Variants in TIGIT observed in about 807,000 individuals in gnomAD.
TIGIT encodes the protein T cell immunoreceptor with Ig and ITIM domains, also known as T-cell immunoreceptor with Ig and ITIM domains.
A neutral mutation model predicts 19.6 loss-of-function variants in TIGIT; 11 were observed. That is an observed-to-expected ratio of 0.56 (90% CI 0.35 to 0.93). The LOEUF is 0.93. Among genes scored for constraint, TIGIT ranks in the 40% least tolerant of loss-of-function variants. The pLI, the probability that TIGIT is intolerant of heterozygous loss-of-function variation, is 0.01. For missense variants in TIGIT, 295 were observed against 303.9 expected, an observed-to-expected ratio of 0.97 and a Z score of 0.22; for synonymous variants, 130 against 125.5, an observed-to-expected ratio of 1.04 and a Z score of -0.24.
At chr3:114,303,719 T>C (rs944809232) in intron 3 of TIGIT, among the ~76,000 whole-genome samples, 2 of 151,572 alleles carry the variant, frequency 1.3e-5, no homozygotes, top group African/African-American at 4.9e-5. Flanking sequence ...GTTCCATATT[T>C]TTGCAATTGC....
chr3:114,300,578 A>G (rs1371126197), intron 3 of TIGIT, among the ~76,000 whole-genome samples: 2 of 152,040 alleles, frequency 1.3e-5, no homozygotes, highest in African/African-American at 4.8e-5. Flanking sequence ...TAAAATGGGG[A>G]TTTGTCTTAG....
chr3:114,301,909 C>G (rs1342750744), intron 3 of TIGIT, among the ~76,000 whole-genome samples: 2 of 152,206 alleles, frequency 1.3e-5, no homozygotes, highest in Non-Finnish European at 2.9e-5. Flanking sequence ...ACATGTAGTA[C>G]TCAAACTGGG....
chr3:114,305,174 CACTA>C (rs3995896), intron 3 of TIGIT, among the ~76,000 whole-genome samples: 134,638 of 151,888 alleles, frequency 0.89, 60,473 homozygotes, highest in East Asian at 0.99. Context: ...AGAGTTCTAA[CACTA>C]ACTATTTACC....
At chr3:114,307,683 T>C (rs2078544545) in intron 3 of TIGIT, 4 of 565,948 alleles carry the variant, frequency 7.1e-6, no homozygotes, top group Non-Finnish European at 1.3e-5. Flanking sequence ...TGGCACGTGG[T>C]ATATGTAGTA....
At chr3:114,303,502 T>A (rs1316611264) in intron 3 of TIGIT, among the ~76,000 whole-genome samples, 7 of 50,980 alleles carry the variant, frequency 1.4e-4, no homozygotes, top group African/African-American at 3.5e-4. Flanking sequence ...TGTATATATA[T>A]ATGTATATAT....
intron 3 of TIGIT, among the ~76,000 whole-genome samples, chr3:114,305,539 A>G (rs2078527034): frequency 6.6e-6 from 1 of 152,204 alleles, no homozygotes; most frequent in African/African-American, 2.4e-5. Context: ...AGAATTGTAC[A>G]GAGTCGGTTG....
At chr3:114,302,655 G>A (rs2078499820) in intron 3 of TIGIT, among the ~76,000 whole-genome samples, 1 of 152,172 alleles carries the variant, frequency 6.6e-6, no homozygotes, top group Non-Finnish European at 1.5e-5. Flanking sequence ...ATCCAGTTCT[G>A]TAAAAGCATC....
chr3:114,304,753 T>A (rs2078519780), intron 3 of TIGIT, among the ~76,000 whole-genome samples: 5 of 152,190 alleles, frequency 3.3e-5, no homozygotes, highest in Admixed American at 3.3e-4. Flanking sequence ...CCAGCAGGGA[T>A]TCTTTTCCAT....
intron 3 of TIGIT, among the ~76,000 whole-genome samples, chr3:114,300,904 T>G (rs907445784): frequency 1.3e-5 from 2 of 152,226 alleles, no homozygotes; most frequent in African/African-American, 4.8e-5. Context: ...CACTTAATAC[T>G]ATTACAATGG....
intron 2 of TIGIT, among the ~76,000 whole-genome samples, chr3:114,297,262 G>A (rs1403564882): frequency 6.6e-6 from 1 of 152,112 alleles, no homozygotes; most frequent in Non-Finnish European, 1.5e-5. Flanking sequence ...TTGACCCCAC[G>A]AAGTCTGGGT....
At chr3:114,299,549 C>A in intron 2 of TIGIT, 48 bp from the exon 3 acceptor site, 2 of 1,446,390 alleles carry the variant, frequency 1.4e-6, no homozygotes, top group Non-Finnish European at 9.7e-7. Flanking sequence ...GGGAAATCAG[C>A]TTCACTTCTG....
chr3:114,303,599 A>G lies in TIGIT; in HGVS notation c.498+3896A>G, dbSNP rs200492888. Among the ~76,000 whole-genome samples the G allele has an allele frequency of 2.3e-3, 11 of 4,848 alleles. 1 individual carries two copies. Among genetic ancestry groups the G allele is most frequent in the Admixed American group, 3.6e-3 (1 of 278 alleles). The allele number at this position is 4,848 out of a possible 152,430, so 3.2% of individuals were successfully genotyped here. A position where few individuals can be genotyped will look rare whatever the true frequency, so the allele number is the denominator to read the frequency against. On this transcript the variant is annotated intron_variant, in intron 3 of 3. Coordinates refer to ENST00000383671, the MANE Select transcript of TIGIT (RefSeq NM_173799.4). ...TATATATATATATACATATATATGTATATATATATATACATATATATGTAT... is the reference window on the plus strand; with the variant it reads ...TATATATATATATACATATATATGTGTATATATATATACATATATATGTAT...
chr3:114,303,507 ATATATATATACACATATATATG>A (rs1560033443), intron 3 of TIGIT, among the ~76,000 whole-genome samples: 18 of 6,108 alleles, frequency 2.9e-3, no homozygotes, highest in African/African-American at 4.4e-3. Context: ...ATATATATGT[ATATATATATACACATATATATG>A]TATATATATA....
chr3:114,294,266 T>G, intron 1 of TIGIT, 144 bp downstream of exon 1: 1 of 631,766 alleles, frequency 1.6e-6, no homozygotes, highest in Non-Finnish European at 2.8e-6. Context: ...GAGTCCTGTG[T>G]ACTCTTATTT....
At chr3:114,296,384 C>T (rs1162792814) in intron 2 of TIGIT, among the ~76,000 whole-genome samples, 1 of 152,164 alleles carries the variant, frequency 6.6e-6, no homozygotes, top group Non-Finnish European at 1.5e-5. Flanking sequence ...AAACCAATTC[C>T]CAGAGGTTAG....
chr3:114,307,826 A>T, intron 3 of TIGIT, 69 bp from the exon 4 acceptor site: 1 of 1,347,380 alleles, frequency 7.4e-7, no homozygotes, highest in East Asian at 2.3e-5. Flanking sequence ...GAAGAGAGAG[A>T]TGTCATATTG....
In TIGIT at chr3:114,309,291, G is replaced by T. The variant is rs1028891043; in HGVS notation, c.*1160G>T. The T allele has an allele frequency of 1.3e-5, 2 of 152,140 alleles. No individual in the cohort carries two copies. Among genetic ancestry groups the T allele is most frequent in the South Asian group, 2.1e-4 (1 of 4,824 alleles). 9.4% of individuals were successfully genotyped at this position (152,140 alleles called of 1,614,324 possible). Reference sequence around the variant, plus strand: ...CCTGACGACTTTGTGCTGGGGTTGGGGTAACTGAACCGCTTATTTCTGTTT... The same window carrying T: ...CCTGACGACTTTGTGCTGGGGTTGGTGTAACTGAACCGCTTATTTCTGTTT... On this transcript the variant is annotated 3_prime_UTR_variant, in exon 4 of 4. Transcript: ENST00000383671.
Position 114,299,688 on chromosome 3 carries a change from C to T in TIGIT, c.483C>T (p.Val161=), listed in dbSNP as rs372970765. Residue 161 remains valine, a synonymous_variant, in exon 3 of 4, where the codon GTC becomes GTT. Transcript: ENST00000383671. ...TCTGCACAGCAGTCATCGTGGTGGT[C>T]GCGTTGACTAGAAAGGTAATGGCTC... ...VVICTAVIVV[V]ALTRKKKALR... 26 of 1,611,154 alleles carry T rather than the reference C, an allele frequency of 1.6e-5. No individual in the cohort carries two copies. Among genetic ancestry groups the T allele is most frequent in the African/African-American group, 5.3e-5 (4 of 74,874 alleles).
Position 114,295,998 on chromosome 3 carries a change from T to C in TIGIT, c.391+124T>C, listed in dbSNP as rs1378869852. On this transcript the variant is annotated intron_variant, in intron 2 of 3. Transcript: ENST00000383671. ...ACATTTGAATCACCTGAGGAGATTTTAAATCATACTGATGCCGAGGCCTCA... is the reference window on the plus strand; with the variant it reads ...ACATTTGAATCACCTGAGGAGATTTCAAATCATACTGATGCCGAGGCCTCA... 9 of 768,466 alleles carry C rather than the reference T, an allele frequency of 1.2e-5. No homozygotes were observed. The East Asian group carries it at 2.4e-4, about 21-fold the overall frequency. The allele number at this position is 768,466 out of a possible 1,614,324, so 47.6% of individuals were successfully genotyped here.
Sources: allele counts gnomAD v4.1 joint callset (sites outside exome capture counted in the v4.1 genomes callset), GRCh38; gene constraint gnomAD v4.1.1; transcripts MANE v1.5; gene names NCBI Gene and HGNC (gene_info 2026-07-23, HGNC 2026-07-21).